SLC16A2: variants seen among roughly 807,000 people sequenced by gnomAD.
The protein encoded by SLC16A2 is solute carrier family 16 member 2.
SLC16A2 carries 3 observed loss-of-function variants against 27.2 expected under a neutral mutation model. The observed-to-expected ratio is 0.11, with a 90% CI of 0.05 to 0.28. The LOEUF is 0.28. Among genes scored for constraint, SLC16A2 ranks in the 10% least tolerant of loss-of-function variants. The pLI is 1.00. For synonymous variants in SLC16A2, 202 were observed against 187.8 expected (o/e 1.08, Z -0.62); for missense variants, 295 against 458.5 (o/e 0.64, Z 3.26).
intron 1 of SLC16A2, among the ~76,000 whole-genome samples, chrX:74,436,198 CGT>C (rs59105242): frequency 0.42 from 44,792 of 107,112 alleles, 8,299 homozygotes; most frequent in East Asian, 0.96. Context: ...AGAGTGTGTA[CGT>C]GTGTGTGTGT....
intron 1 of SLC16A2, among the ~76,000 whole-genome samples, chrX:74,456,637 T>C (rs889537823): frequency 1.8e-5 from 2 of 112,185 alleles, no homozygotes; most frequent in African/African-American, 6.5e-5. Context: ...CCCTGCTTCA[T>C]GGGCTCAAAA....
At chrX:74,461,824 A>T (rs1296328594) in intron 1 of SLC16A2, among the ~76,000 whole-genome samples, 1 of 111,389 alleles carries the variant, frequency 9.0e-6, no homozygotes, top group Admixed American at 9.5e-5. Context: ...GAGATTTGAA[A>T]CTGAATCACT....
chrX:74,459,491 C>T (rs1453791830), intron 1 of SLC16A2, among the ~76,000 whole-genome samples: 1 of 108,587 alleles, frequency 9.2e-6, no homozygotes, highest in Non-Finnish European at 1.9e-5. Context: ...AGTTCCCCCT[C>T]CCCACTGGGG....
At chrX:74,455,652 A>G (rs1929029929) in intron 1 of SLC16A2, among the ~76,000 whole-genome samples, 3 of 110,785 alleles carry the variant, frequency 2.7e-5, no homozygotes. Context: ...CTTCCGGTAT[A>G]GAGGGCATGG....
chrX:74,490,469 T>A (rs1929805358), intron 1 of SLC16A2, among the ~76,000 whole-genome samples: 1 of 110,798 alleles, frequency 9.0e-6, no homozygotes, highest in African/African-American at 3.3e-5. Flanking sequence ...CACCACTGAG[T>A]CATTGTGCCC....
At chrX:74,489,964 C>CACAT (rs1387496178) in intron 1 of SLC16A2, among the ~76,000 whole-genome samples, 6 of 62,873 alleles carry the variant, frequency 9.5e-5, no homozygotes, top group Non-Finnish European at 1.7e-4. Flanking sequence ...ATAAAGGTCA[C>CACAT]ACACATACAC....
At chrX:74,480,986 A>T (rs1045282405) in intron 1 of SLC16A2, among the ~76,000 whole-genome samples, 2 of 112,573 alleles carry the variant, frequency 1.8e-5, no homozygotes, top group African/African-American at 6.5e-5. Flanking sequence ...CGAAATAATC[A>T]TGTGATCTTC....
intron 1 of SLC16A2, among the ~76,000 whole-genome samples, chrX:74,436,703 C>A (rs1325350867): frequency 9.0e-6 from 1 of 111,563 alleles, no homozygotes; most frequent in Non-Finnish European, 1.9e-5. Context: ...TGCATCTATA[C>A]AGCTGGGTTT....
At chrX:74,461,708 G>A (rs1929148340) in intron 1 of SLC16A2, among the ~76,000 whole-genome samples, 1 of 111,839 alleles carries the variant, frequency 8.9e-6, no homozygotes, top group African/African-American at 3.3e-5. Context: ...AGATACAGAT[G>A]TAAGGAACAG....
chrX:74,432,067 T>C (rs1241340761), intron 1 of SLC16A2, among the ~76,000 whole-genome samples: 2 of 111,514 alleles, frequency 1.8e-5, no homozygotes, highest in Non-Finnish European at 3.8e-5. Flanking sequence ...CATGTTGAAA[T>C]ATTTACAGCA....
chrX:74,473,670 CTCT>C lies in SLC16A2; in HGVS notation c.431-47318_431-47316del, dbSNP rs1929403894. The C allele has an allele frequency of 7.5e-6, 8 of 1,071,300 alleles. No individual in the cohort carries two copies. The East Asian group carries it at 2.4e-4, about 32-fold the overall frequency. The allele number at this position is 1,071,300 out of a possible 1,213,427, so 88.3% of individuals were successfully genotyped here. On this transcript the variant is annotated intron_variant, in intron 1 of 5. Transcript: ENST00000587091. ...TGGGCACCTGGTCTTTGAGAATCTT[CTCT>C]TGAGACAGCTCTCTTTGGTTCCACA... is the stretch of plus-strand genomic sequence containing the variant.
At chrX:74,427,952 G>A (rs1047038894) in intron 1 of SLC16A2, among the ~76,000 whole-genome samples, 3 of 111,138 alleles carry the variant, frequency 2.7e-5, no homozygotes, top group African/African-American at 9.8e-5. Context: ...AGATTATGCT[G>A]TACTAGTGCA....
chrX:74,473,317 C>T (rs1042726739), intron 1 of SLC16A2: 49 of 550,896 alleles, frequency 8.9e-5, no homozygotes, highest in Middle Eastern at 5.2e-4. Flanking sequence ...GCTTCCTCCA[C>T]GACCACCACC....
chrX:74,520,884 A>T, intron 1 of SLC16A2, 106 bp from the exon 2 acceptor site: 1 of 898,843 alleles, frequency 1.1e-6, no homozygotes, highest in Non-Finnish European at 1.6e-6. Flanking sequence ...AATGCAGACC[A>T]ATGCAATGCC....
intron 1 of SLC16A2, among the ~76,000 whole-genome samples, chrX:74,438,097 G>T (rs1928658863): frequency 8.9e-6 from 1 of 112,429 alleles, no homozygotes; most frequent in Admixed American, 9.4e-5. Flanking sequence ...AGACCCCAAA[G>T]TTCAACTCTC....
At chrX:74,501,117 G>A (rs963065492) in intron 1 of SLC16A2, among the ~76,000 whole-genome samples, 1 of 109,593 alleles carries the variant, frequency 9.1e-6, no homozygotes, top group Non-Finnish European at 1.9e-5. Flanking sequence ...ACCCTACAAT[G>A]TGACAATTTC....
At chrX:74,500,232 G>A (rs1398862756) in intron 1 of SLC16A2, among the ~76,000 whole-genome samples, 1 of 110,987 alleles carries the variant, frequency 9.0e-6, no homozygotes, top group African/African-American at 3.3e-5. Context: ...GGAAACACGG[G>A]TATGGTGACA....
intron 1 of SLC16A2, among the ~76,000 whole-genome samples, chrX:74,499,455 CTTTT>C (rs750553597): frequency 2.0e-5 from 2 of 99,566 alleles, no homozygotes; most frequent in Admixed American, 2.2e-4. Context: ...TTCTTTCTTT[CTTTT>C]TTTTTTTTTT....
intron 2 of SLC16A2, among the ~76,000 whole-genome samples, chrX:74,522,927 T>A (rs1602141550): frequency 9.0e-6 from 1 of 111,727 alleles, no homozygotes; most frequent in African/African-American, 3.3e-5. Context: ...CCGAATGACA[T>A]GGAATGGGGC....
Sources: allele counts gnomAD v4.1 joint callset (sites outside exome capture counted in the v4.1 genomes callset), GRCh38; gene constraint gnomAD v4.1.1; transcripts MANE v1.5; gene names NCBI Gene and HGNC (gene_info 2026-07-23, HGNC 2026-07-21).